Variants in EPHA6 observed in about 807,000 individuals in gnomAD.
EPHA6 encodes EPH receptor A6.
A neutral mutation model predicts 112.0 loss-of-function variants in EPHA6; 50 were observed. That is an observed-to-expected ratio of 0.45 (90% confidence interval 0.36 to 0.56). The LOEUF (loss-of-function observed/expected upper bound fraction) is 0.56, where lower values mean the gene tolerates loss of function less well. EPHA6 is among the 20% of genes least tolerant of loss of function. The pLI, the probability that EPHA6 is intolerant of heterozygous loss-of-function variation, is 0.00. For synonymous variants in EPHA6, 529 were observed against 490.7 expected, an observed-to-expected ratio of 1.08 and a Z score of -1.03; for missense variants, 1,280 against 1,417.4, an observed-to-expected ratio of 0.90 and a Z score of 1.56.
intron 3 of EPHA6, among the ~76,000 whole-genome samples, chr3:97,007,891 C>T (rs534726296): frequency 1.3e-4 from 20 of 152,212 alleles, no homozygotes; most frequent in Non-Finnish European, 2.2e-4. Context: ...TTAAATTCCT[C>T]GTTGAAAATT....
chr3:97,446,590 T>C (rs1373329963), intron 6 of EPHA6, among the ~76,000 whole-genome samples: 1 of 152,126 alleles, frequency 6.6e-6, no homozygotes, highest in African/African-American at 2.4e-5. Context: ...TGCTTTAAAG[T>C]TCTTATCTCA....
chr3:97,703,121 C>A (rs1365798180), intron 14 of EPHA6, among the ~76,000 whole-genome samples: 1 of 152,156 alleles, frequency 6.6e-6, no homozygotes, highest in Non-Finnish European at 1.5e-5. Flanking sequence ...TACGCTAATG[C>A]ACTACAGAGC....
At chr3:97,035,262 C>T (rs1349754502) in intron 3 of EPHA6, among the ~76,000 whole-genome samples, 1 of 151,892 alleles carries the variant, frequency 6.6e-6, no homozygotes, top group Non-Finnish European at 1.5e-5. Context: ...CTCCCTTTTC[C>T]CCTGTCTTCT....
chr3:97,644,911 G>T (rs991485160), intron 14 of EPHA6, among the ~76,000 whole-genome samples: 1 of 152,068 alleles, frequency 6.6e-6, no homozygotes, highest in Non-Finnish European at 1.5e-5. Flanking sequence ...CAGTAAAAAA[G>T]AGGGAATCCT....
rs368492817 is a variant in EPHA6, at chr3:97,688,529, A to G, written c.2785-31732A>G. On this transcript the variant is annotated intron_variant, in intron 14 of 17. Transcript: ENST00000389672. ...TCATAGGTGGGAACTGAACAATGAG[A>G]ACACATGGACACAGGATGGGGAACA... 6.3e-5 allele frequency among the ~76,000 whole-genome samples: 9 copies of G among 141,818 alleles called. No homozygotes were observed. The South Asian group carries it at 2.0e-3, about 32-fold the overall frequency. 93.0% of individuals were successfully genotyped at this position (141,818 alleles called of 152,430 possible).
At chr3:97,636,207 G>A (rs2093943704) in intron 13 of EPHA6, among the ~76,000 whole-genome samples, 1 of 151,946 alleles carries the variant, frequency 6.6e-6, no homozygotes, top group Non-Finnish European at 1.5e-5. Flanking sequence ...TATGATAGGA[G>A]GCAACTCCAT....
intron 3 of EPHA6, among the ~76,000 whole-genome samples, chr3:97,135,259 C>G (rs569337593): frequency 6.6e-6 from 1 of 152,110 alleles, no homozygotes; most frequent in Non-Finnish European, 1.5e-5. Flanking sequence ...TTACAAGCTG[C>G]GTGAACTTGA....
At position 97,366,811 on chromosome 3, in the gene EPHA6, C is replaced by T. The variant is rs147295268; in HGVS notation, c.1607-38339C>T. ...CCAGAAACTTTGGTAAGTGCTACCT[C>T]TCGCCCTTGTTTGAAAACGGCATAC... is the stretch of plus-strand genomic sequence containing the variant. On this transcript the variant is annotated intron_variant, in intron 5 of 17. Transcript: ENST00000389672. Among the ~76,000 whole-genome samples the T allele has an allele frequency of 2.6e-3, 396 of 152,262 alleles. 1 individual carries two copies. Among genetic ancestry groups the T allele is most frequent in the African/African-American group, 9.0e-3 (372 of 41,552 alleles).
intron 3 of EPHA6, among the ~76,000 whole-genome samples, chr3:97,133,986 A>G (rs56390894): frequency 0.077 from 11,769 of 152,062 alleles, 746 homozygotes; most frequent in Admixed American, 0.21. Context: ...AGAAAAGTAA[A>G]CATATTGGAA....
At chr3:97,062,021 A>G (rs977924184) in intron 3 of EPHA6, among the ~76,000 whole-genome samples, 105 of 152,284 alleles carry the variant, frequency 6.9e-4, no homozygotes, top group African/African-American at 2.5e-3. Context: ...TAGAAGAGAG[A>G]AAGGAGGTGA....
chr3:97,336,463 C>T (rs2083061178), intron 5 of EPHA6, among the ~76,000 whole-genome samples: 1 of 152,122 alleles, frequency 6.6e-6, no homozygotes, highest in Non-Finnish European at 1.5e-5. Flanking sequence ...AAGTTTTAGT[C>T]ATTGATTTCT....
In EPHA6 at chr3:97,759,675, T is replaced by G. The variant is rs1033275595; in HGVS notation, c.*10974T>G. The G allele has an allele frequency of 2.2e-5, 5 of 229,666 alleles. No homozygotes were observed. The highest frequency in any genetic ancestry group is 1.1e-4 in the African/African-American group (5 of 45,154). The allele number at this position is 229,666 out of a possible 1,614,324, so 14.2% of individuals were successfully genotyped here. A position where few individuals can be genotyped will look rare whatever the true frequency, so the allele number is the denominator to read the frequency against. ...TAATGTGCAAATAGGTTGGTATATT[T>G]GTGGTAGAAAGGGAAGGATGTCACT... On this transcript the variant is annotated 3_prime_UTR_variant, in exon 18 of 18. Transcript: ENST00000389672.
intron 2 of EPHA6, among the ~76,000 whole-genome samples, chr3:96,890,181 G>C (rs1359674073): frequency 6.6e-6 from 1 of 151,590 alleles, no homozygotes; most frequent in Non-Finnish European, 1.5e-5. Context: ...AATATTAAAG[G>C]CTTTTATTCA....
intron 6 of EPHA6, among the ~76,000 whole-genome samples, chr3:97,430,312 A>G (rs2089428812): frequency 6.6e-6 from 1 of 152,150 alleles, no homozygotes; most frequent in Non-Finnish European, 1.5e-5. Flanking sequence ...AATAGATTCA[A>G]CAAACTAATA....
intron 10 of EPHA6, among the ~76,000 whole-genome samples, chr3:97,513,933 A>G (rs1289050697): frequency 6.6e-6 from 1 of 152,192 alleles, no homozygotes; most frequent in Non-Finnish European, 1.5e-5. Flanking sequence ...AATGCCGTTA[A>G]CAGAAGAATG....
chr3:97,275,560 G>T (rs1161584370), intron 5 of EPHA6, among the ~76,000 whole-genome samples: 4 of 152,144 alleles, frequency 2.6e-5, no homozygotes, highest in Non-Finnish European at 5.9e-5. Flanking sequence ...AAACAATTTG[G>T]TTGATAAGGC....
At chr3:97,688,544 G>A (rs1228265990) in intron 14 of EPHA6, among the ~76,000 whole-genome samples, 1 of 132,320 alleles carries the variant, frequency 7.6e-6, no homozygotes, top group Non-Finnish European at 1.6e-5. Context: ...ATGGACACAG[G>A]ATGGGGAACA....
chr3:97,545,543 T>A (rs1201823588), intron 11 of EPHA6, among the ~76,000 whole-genome samples: 3 of 152,204 alleles, frequency 2.0e-5, no homozygotes, highest in Admixed American at 6.5e-5. Flanking sequence ...TATACTCTGT[T>A]GATTTGGGGT....
chr3:96,919,371 A>C (rs867659175), intron 2 of EPHA6, among the ~76,000 whole-genome samples: 1 of 152,040 alleles, frequency 6.6e-6, no homozygotes, highest in Middle Eastern at 3.4e-3. Context: ...ACACATATAC[A>C]TAAAATGTAA....
Sources: gnomAD v4.1 joint callset for allele counts (sites outside exome capture counted in the v4.1 genomes callset) on GRCh38, gnomAD v4.1.1 for gene constraint, MANE v1.5 for transcripts, NCBI Gene and HGNC (gene_info 2026-07-23, HGNC 2026-07-21) for gene names.